Variants in ZC3H12B observed in about 807,000 individuals in gnomAD.
ZC3H12B encodes zinc finger CCCH-type containing 12B.
Under a neutral mutation model 43.9 loss-of-function variants are expected in ZC3H12B, and 7 were observed. The ratio of observed to expected loss-of-function variants is 0.16; its 90% confidence interval spans 0.09 to 0.30. ZC3H12B has a LOEUF of 0.30. ZC3H12B is among the 10% of genes least tolerant of loss of function. The pLI is 1.00. For missense variants in ZC3H12B, 475 were observed against 670.2 expected, an observed-to-expected ratio of 0.71 and a Z score of 3.22; for synonymous variants, 222 against 241.7, an observed-to-expected ratio of 0.92 and a Z score of 0.76.
the ZC3H12B span, chrX:65,272,504 A>C: frequency 5.4e-5 from 6 of 111,938 alleles, no homozygotes; most frequent in East Asian, 2.8e-4. Context: ...CAAAGGGGTC[A>C]ATTTAAATAG....
chrX:65,388,783 T>G (rs1366417740), intron 2 of ZC3H12B, among the ~76,000 whole-genome samples: 2 of 111,664 alleles, frequency 1.8e-5, no homozygotes, highest in Non-Finnish European at 3.8e-5. Flanking sequence ...TTATCTACCT[T>G]TAGTCTTTGA....
At chrX:65,327,224 A>G in the ZC3H12B span, among the ~76,000 whole-genome samples, 1 of 111,531 alleles carries the variant, frequency 9.0e-6, no homozygotes, top group African/African-American at 3.2e-5. Context: ...TCAACACATG[A>G]ATGGATGAAG....
the ZC3H12B span, among the ~76,000 whole-genome samples, chrX:65,088,128 A>G: frequency 7.0e-4 from 78 of 112,001 alleles, no homozygotes; most frequent in African/African-American, 2.4e-3. Context: ...TGTTTACATT[A>G]GCCTGTGTAA....
intron 3 of ZC3H12B, among the ~76,000 whole-genome samples, chrX:65,458,085 T>TAAAAAAAAAAA (rs59738258): frequency 6.5e-4 from 32 of 49,011 alleles, no homozygotes; most frequent in Non-Finnish European, 9.1e-4. Flanking sequence ...AAAAAAAAAT[T>TAAAAAAAAAAA]AAAAAAAAAA....
the ZC3H12B span, chrX:65,328,337 G>T: frequency 4.3e-6 from 1 of 231,591 alleles, no homozygotes; most frequent in Non-Finnish European, 8.7e-6. Context: ...CATTATCTGT[G>T]TTTCCATGAG....
At chrX:65,087,401 C>T in the ZC3H12B span, among the ~76,000 whole-genome samples, 2 of 112,107 alleles carry the variant, frequency 1.8e-5, no homozygotes, top group Non-Finnish European at 3.8e-5. Flanking sequence ...ATGGCAAAGC[C>T]AGAGACTGGC....
At chrX:65,207,030 G>A in the ZC3H12B span, among the ~76,000 whole-genome samples, 1 of 109,490 alleles carries the variant, frequency 9.1e-6, no homozygotes, top group Non-Finnish European at 1.9e-5. Flanking sequence ...TGGATGTGGT[G>A]AAAAGGGAAC....
chrX:65,316,155 A>T, the ZC3H12B span, among the ~76,000 whole-genome samples: 1 of 111,955 alleles, frequency 8.9e-6, no homozygotes, highest in South Asian at 3.7e-4. Flanking sequence ...AATGGACAAG[A>T]CCTCCAAAAA....
chrX:65,413,362 T>C (rs2066926205), intron 3 of ZC3H12B, among the ~76,000 whole-genome samples: 1 of 111,687 alleles, frequency 9.0e-6, no homozygotes, highest in African/African-American at 3.2e-5. Context: ...TAAGAATCCA[T>C]TGCAAAATCC....
the ZC3H12B span, among the ~76,000 whole-genome samples, chrX:65,194,891 C>T: frequency 8.9e-6 from 1 of 111,859 alleles, no homozygotes; most frequent in African/African-American, 3.2e-5. Context: ...TATCTTCTTC[C>T]TCAACGAATC....
chrX:65,374,034 C>CTATA (rs2066304347), intron 2 of ZC3H12B, among the ~76,000 whole-genome samples: 1 of 45,478 alleles, frequency 2.2e-5, no homozygotes, highest in Non-Finnish European at 3.5e-5. Flanking sequence ...ATATATATAA[C>CTATA]TATATATACA....
At chrX:65,422,138 T>A (rs2067025484) in intron 3 of ZC3H12B, among the ~76,000 whole-genome samples, 1 of 111,113 alleles carries the variant, frequency 9.0e-6, no homozygotes, top group Admixed American at 9.6e-5. Context: ...TAGGACTATA[T>A]ATGCTCAGAA....
At chrX:65,365,180 T>C (rs2066157554), upstream of ZC3H12B, among the ~76,000 whole-genome samples, 1 of 111,144 alleles carries the variant, frequency 9.0e-6, no homozygotes, top group South Asian at 3.8e-4. Flanking sequence ...TAATGGTCTT[T>C]TAAAAGCACA....
At chrX:65,236,746 A>G in the ZC3H12B span, among the ~76,000 whole-genome samples, 1 of 111,872 alleles carries the variant, frequency 8.9e-6, no homozygotes, top group Non-Finnish European at 1.9e-5. Flanking sequence ...AAGGCTTACA[A>G]TTTCAATTTT....
At chrX:65,451,373 T>C (rs1045369939) in intron 3 of ZC3H12B, among the ~76,000 whole-genome samples, 5 of 112,219 alleles carry the variant, frequency 4.5e-5, no homozygotes, top group African/African-American at 1.6e-4. Context: ...TTTTAAGTGA[T>C]TGCTTTGAAT....
intron 3 of ZC3H12B, among the ~76,000 whole-genome samples, chrX:65,420,600 C>T (rs2067006922): frequency 8.9e-6 from 1 of 112,121 alleles, no homozygotes; most frequent in African/African-American, 3.2e-5. Context: ...CAAAATAAAA[C>T]ACCAGCAATC....
At chrX:65,129,288 C>T in the ZC3H12B span, among the ~76,000 whole-genome samples, 3 of 96,236 alleles carry the variant, frequency 3.1e-5, no homozygotes, top group Non-Finnish European at 5.8e-5. Flanking sequence ...TATACACACA[C>T]TAGAATATAT....
chrX:65,259,611 C>A, the ZC3H12B span, among the ~76,000 whole-genome samples: 1 of 111,908 alleles, frequency 8.9e-6, no homozygotes, highest in Non-Finnish European at 1.9e-5. Flanking sequence ...AATACTTTTA[C>A]ACTGTTGATG....
chrX:65,162,262 G>C, the ZC3H12B span, among the ~76,000 whole-genome samples: 1 of 110,633 alleles, frequency 9.0e-6, no homozygotes, highest in Non-Finnish European at 1.9e-5. Context: ...TGCTCTTCTC[G>C]AGGAGTATTT....
Sources: allele counts gnomAD v4.1 joint callset (sites outside exome capture counted in the v4.1 genomes callset), GRCh38; gene constraint gnomAD v4.1.1; transcripts MANE v1.5; gene names NCBI Gene and HGNC (gene_info 2026-07-23, HGNC 2026-07-21).